PCNT: variants seen among roughly 807,000 people sequenced by gnomAD.
PCNT encodes kendrin.
A neutral mutation model predicts 380.4 loss-of-function variants in PCNT; 319 were observed. That is an observed-to-expected ratio of 0.84 (90% CI 0.77 to 0.92). PCNT has a LOEUF of 0.92. PCNT is among the 40% of genes least tolerant of loss of function. PCNT has a pLI of 0.00. For synonymous variants in PCNT, 1,845 were observed against 1,735.2 expected (o/e 1.06, Z -1.57); for missense variants, 4,400 against 4,255.3 (o/e 1.03, Z -0.95).
Position 46,391,149 on chromosome 21 carries a change from G to C in PCNT, c.4004-15G>C, listed in dbSNP as rs370163972. 3.2e-6 allele frequency: 5 copies of C among 1,566,590 alleles called. No homozygotes were observed. Among genetic ancestry groups the C allele is most frequent in the Non-Finnish European group, 4.3e-6 (5 of 1,154,356 alleles). On this transcript the variant is annotated splice_polypyrimidine_tract_variant and intron_variant, in intron 20 of 46. Coordinates refer to ENST00000359568, the MANE Select transcript of PCNT (RefSeq NM_006031.6). ...CAGGACTGGCTTTGTCAGAGCATCT[G>C]TGTCTCCCACAAAGGTACCCTTGAG... is the stretch of plus-strand genomic sequence containing the variant.
rs746953982 is a variant in PCNT, at chr21:46,353,980, C to T, written c.1680-7C>T. The T allele has an allele frequency of 1.2e-6, 2 of 1,611,970 alleles. No homozygotes were observed. Among genetic ancestry groups the T allele is most frequent in the African/African-American group, 1.3e-5 (1 of 74,966 alleles). On this transcript the variant is annotated splice_region_variant and splice_polypyrimidine_tract_variant and intron_variant, in intron 10 of 46. Coordinates refer to ENST00000359568, the MANE Select transcript of PCNT (RefSeq NM_006031.6). ...TGTAAAGCTTTTATAAAATGTTTTC[C>T]CTTCAGGTTGTCCTGTGTGGGTTTA...
intron 2 of PCNT, among the ~76,000 whole-genome samples, chr21:46,326,870 C>G (rs112837967): frequency 6.6e-6 from 1 of 151,808 alleles, no homozygotes; most frequent in East Asian, 2.0e-4. Flanking sequence ...AAAAATTAGC[C>G]GGACATCTGG....
chr21:46,357,042 A>C lies in PCNT; in HGVS notation c.2005A>C (p.Arg669=). ...GGAGGCCGACACAGAGCGGGCAGCCAGAGTCTTGGGTCTGGAAACTGAGCA... is the reference window on the plus strand; with the variant it reads ...GGAGGCCGACACAGAGCGGGCAGCCCGAGTCTTGGGTCTGGAAACTGAGCA... ...DLEADTERAA[R]VLGLETEHKV... is the part of the protein sequence containing the mutation. The change falls in exon 13 of 47, where the codon AGA becomes CGA. Residue 669 remains arginine, a synonymous_variant. Coordinates refer to ENST00000359568, the MANE Select transcript of PCNT (RefSeq NM_006031.6). The C allele has an allele frequency of 6.2e-7, 1 of 1,614,256 alleles. No homozygotes were observed. Among genetic ancestry groups the C allele is most frequent in the Non-Finnish European group, 8.5e-7 (1 of 1,180,052 alleles).
chr21:46,442,756 G>A, intron 44 of PCNT, 183 bp downstream of exon 44: 1 of 645,072 alleles, frequency 1.6e-6, no homozygotes. Flanking sequence ...GGAGGTCAGA[G>A]CTCATGTTAG....
Position 46,397,418 on chromosome 21 carries a change from C to A in PCNT, c.4370C>A (p.Ala1457Glu). 6.2e-7 allele frequency: 1 copy of A among 1,614,140 alleles called. No homozygotes were observed. Among genetic ancestry groups the A allele is most frequent in the East Asian group, 2.2e-5 (1 of 44,882 alleles). Residue 1457 changes from alanine to glutamate, a missense_variant, in exon 22 of 47, where the codon GCG (alanine) becomes GAG (glutamate). By Grantham distance (107) the Ala-to-Glu change is moderately radical. Coordinates refer to ENST00000359568, the MANE Select transcript of PCNT (RefSeq NM_006031.6). ...CAGCATCGCGGGTGTGCCAAGCAGG[C>A]GGAGGCCGTCACTGCCCTGGAACAG... is the stretch of plus-strand genomic sequence containing the variant. ...LSQHRGCAKQ[A>E]EAVTALEQQV... is the part of the protein sequence containing the mutation.
rs2053510106 is a variant in PCNT, at chr21:46,438,059, G to T, written c.9100-105G>T. 5.4e-6 allele frequency: 5 copies of T among 925,802 alleles called. No individual in the cohort carries two copies. In the South Asian group the frequency reaches 7.1e-5, roughly 13 times the overall value. The allele number at this position is 925,802 out of a possible 1,614,324, so 57.3% of individuals were successfully genotyped here. On this transcript the variant is annotated intron_variant, in intron 40 of 46. Coordinates refer to ENST00000359568, the MANE Select transcript of PCNT (RefSeq NM_006031.6). ...TCCACAAGCTTCTCATTGAACCCCA[G>T]ACACATTAATTACAATCCCTAAAAA...
At chr21:46,438,552 G>A (rs761949071) in intron 41 of PCNT, among the ~76,000 whole-genome samples, 3 of 152,290 alleles carry the variant, frequency 2.0e-5, no homozygotes, top group Non-Finnish European at 1.5e-5. Flanking sequence ...CGCCACAGAC[G>A]GCGTCCTCAC....
chr21:46,366,975 C>G lies in PCNT; in HGVS notation c.3001C>G (p.Leu1001Val), dbSNP rs1247130463. The change falls in exon 15 of 47, where the codon CTG becomes GTG. Residue 1001 changes from leucine (L) to valine (V), a missense_variant. Transcript: ENST00000359568. The part of the protein sequence containing the change: ...ELLRADFEEQ[L>V]WKKDSLHQTI... ...CTTACGAGCAGACTTTGAGGAACAA[C>G]TGTGGAAAAAGGACTCTCTTCACCA... 1 of 1,614,100 alleles carries G rather than the reference C, an allele frequency of 6.2e-7. No individual in the cohort carries two copies. Among genetic ancestry groups the G allele is most frequent in the Non-Finnish European group, 8.5e-7 (1 of 1,180,050 alleles).
At position 46,348,952 on chromosome 21, in the gene PCNT, T is replaced by G. The variant is rs536490437; in HGVS notation, c.1033-60T>G. 8.5e-6 allele frequency: 10 copies of G among 1,180,974 alleles called. No individual in the cohort carries two copies. The African/African-American group carries it at 1.5e-4, about 18-fold the overall frequency. 73.2% of individuals were successfully genotyped at this position (1,180,974 alleles called of 1,614,324 possible). A position where few individuals can be genotyped will look rare whatever the true frequency, so the allele number is the denominator to read the frequency against. ...GCTCAGAGGTTTTGACTGTGTGATT[T>G]AAATTTCTTTAGCACAGATAATCAA... On this transcript the variant is annotated intron_variant, in intron 6 of 46. Transcript: ENST00000359568.
chr21:46,338,849 C>T (rs2083833682), intron 3 of PCNT, among the ~76,000 whole-genome samples: 1 of 152,080 alleles, frequency 6.6e-6, no homozygotes, highest in Non-Finnish European at 1.5e-5. Context: ...GGCCCATTCT[C>T]AGCTCACTGC....
At chr21:46,422,300 C>T (rs1253850980) in intron 32 of PCNT, among the ~76,000 whole-genome samples, 176 bp downstream of exon 32, 2 of 152,180 alleles carry the variant, frequency 1.3e-5, no homozygotes, top group Non-Finnish European at 2.9e-5. Context: ...CCCCGGAAGC[C>T]GCCCACCCAG....
chr21:46,436,261 T>G (rs946335466), intron 39 of PCNT, 113 bp downstream of exon 39: 1 of 1,224,830 alleles, frequency 8.2e-7, no homozygotes, highest in Non-Finnish European at 1.2e-6. Context: ...CCTTTGCACT[T>G]AACGCTCTAG....
chr21:46,410,982 G>A (rs1396803133), intron 27 of PCNT, among the ~76,000 whole-genome samples: 4 of 152,350 alleles, frequency 2.6e-5, no homozygotes, highest in South Asian at 4.1e-4. Flanking sequence ...ATCAGACGTG[G>A]AGCACAAGGT....
chr21:46,351,607 C>A, intron 9 of PCNT, 67 bp downstream of exon 9: 1 of 948,964 alleles, frequency 1.1e-6, no homozygotes, highest in Non-Finnish European at 1.7e-6. Context: ...ATTGTTGTAA[C>A]ACCAAGCCAG....
In PCNT at chr21:46,356,982, T is replaced by G; in HGVS notation, c.1945T>G (p.Trp649Gly). 6.2e-7 allele frequency: 1 copy of G among 1,613,964 alleles called. No homozygotes were observed. The highest frequency in any genetic ancestry group is 1.1e-5 in the South Asian group (1 of 91,076). Residue 649 changes from tryptophan (W) to glycine (G), a missense_variant, in exon 13 of 47, where the codon TGG (tryptophan) becomes GGG (glycine). By Grantham distance (184) the Trp-to-Gly change is radical. Transcript: ENST00000359568. The stretch of plus-strand genomic sequence containing the variant: ...GCTCCTTTTCCACACAGAGCTTCCC[T>G]GGGTGCATCTCCAGGGTGTGCAGGA... ...PSEGHSQELP[W>G]VHLQGVQDGD...
intron 14 of PCNT, among the ~76,000 whole-genome samples, chr21:46,366,323 T>C (rs957809192): frequency 6.6e-6 from 1 of 152,176 alleles, no homozygotes; most frequent in Non-Finnish European, 1.5e-5. Context: ...GGGCGCTGGT[T>C]CCTACCTGTG....
chr21:46,335,299 C>T (rs2083699271), intron 3 of PCNT, among the ~76,000 whole-genome samples: 1 of 152,152 alleles, frequency 6.6e-6, no homozygotes, highest in African/African-American at 2.4e-5. Context: ...GAATTCCATA[C>T]GTGTTGAGTT....
chr21:46,428,244 C>G, intron 34 of PCNT, 151 bp from the exon 35 acceptor site: 1 of 763,606 alleles, frequency 1.3e-6, no homozygotes, highest in East Asian at 2.7e-5. Flanking sequence ...GCCTGCAGGC[C>G]CCAGAGCTGA....
chr21:46,355,213 T>A (rs529342807), intron 11 of PCNT, among the ~76,000 whole-genome samples: 1 of 152,316 alleles, frequency 6.6e-6, no homozygotes, highest in South Asian at 2.1e-4. Flanking sequence ...CCAGTCCCTG[T>A]CAGTGCCACC....
Sources: gnomAD v4.1 joint callset for allele counts (sites outside exome capture counted in the v4.1 genomes callset) on GRCh38, gnomAD v4.1.1 for gene constraint, MANE v1.5 for transcripts, NCBI Gene and HGNC (gene_info 2026-07-23, HGNC 2026-07-21) for gene names.